NAV2: variants seen among roughly 807,000 people sequenced by gnomAD.
NAV2 encodes neuron navigator 2.
In NAV2, 54 loss-of-function variants were observed where a neutral mutation model predicts 223.2. The observed-to-expected ratio is 0.24, with a 90% CI of 0.19 to 0.30. The LOEUF (loss-of-function observed/expected upper bound fraction) is 0.30. Among genes scored for constraint, NAV2 ranks in the 10% least tolerant of loss-of-function variants. The pLI is 1.00. For synonymous variants in NAV2, 1,279 were observed against 1,239.3 expected (o/e 1.03, Z -0.67); for missense variants, 2,806 against 3,147.5 (o/e 0.89, Z 2.60).
chr11:19,744,138 G>A (rs749740911), intron 1 of NAV2, among the ~76,000 whole-genome samples: 1 of 152,228 alleles, frequency 6.6e-6, no homozygotes, highest in Non-Finnish European at 1.5e-5. Context: ...GCTTACAGAG[G>A]TTCAGTCACT....
At chr11:19,874,210 C>A (rs2585753) in intron 4 of NAV2, among the ~76,000 whole-genome samples, 1 of 152,082 alleles carries the variant, frequency 6.6e-6, no homozygotes, top group East Asian at 1.9e-4. Context: ...AGATTAGGAC[C>A]AGCCAGTGGG....
intron 11 of NAV2, chr11:20,023,163 A>C (rs755718906): frequency 3.2e-6 from 5 of 1,548,698 alleles, no homozygotes; most frequent in Non-Finnish European, 4.4e-6. Flanking sequence ...TTCTGGGGCC[A>C]GGGGGTGGGT....
intron 1 of NAV2, among the ~76,000 whole-genome samples, chr11:19,451,776 C>A (rs528420987): frequency 1.3e-5 from 2 of 152,162 alleles, no homozygotes; most frequent in Admixed American, 6.5e-5. Context: ...GAAGGAACAG[C>A]CTCACAGCTT....
chr11:20,080,895 C>A (rs60668810), intron 25 of NAV2, among the ~76,000 whole-genome samples: 1 of 152,154 alleles, frequency 6.6e-6, no homozygotes, highest in Non-Finnish European at 1.5e-5. Context: ...TTCCACCCCT[C>A]ACTCTCCATC....
At chr11:20,023,702 GTGT>G (rs1564864726) in intron 11 of NAV2, among the ~76,000 whole-genome samples, 13 of 24,852 alleles carry the variant, frequency 5.2e-4, no homozygotes, top group East Asian at 3.5e-3. Flanking sequence ...ATTGCTGGGT[GTGT>G]GTGTGTGTGT....
At chr11:19,919,051 G>A (rs2044046686) in intron 6 of NAV2, among the ~76,000 whole-genome samples, 1 of 152,040 alleles carries the variant, frequency 6.6e-6, no homozygotes, top group Non-Finnish European at 1.5e-5. Context: ...TGGAAGGATG[G>A]GATGAGATAG....
intron 1 of NAV2, among the ~76,000 whole-genome samples, chr11:19,474,592 T>C (rs1031378323): frequency 2.0e-5 from 3 of 151,966 alleles, no homozygotes; most frequent in African/African-American, 7.3e-5. Flanking sequence ...AGCAATGGAG[T>C]GAAGGAGTGG....
intron 1 of NAV2, among the ~76,000 whole-genome samples, chr11:19,516,816 A>G (rs1332155971): frequency 1.3e-5 from 2 of 152,218 alleles, no homozygotes; most frequent in Non-Finnish European, 2.9e-5. Flanking sequence ...CACCATATAC[A>G]ACATACCCAA....
At chr11:19,799,870 A>G (rs2058135091) in intron 1 of NAV2, among the ~76,000 whole-genome samples, 1 of 151,990 alleles carries the variant, frequency 6.6e-6, no homozygotes, top group Non-Finnish European at 1.5e-5. Flanking sequence ...GAGCCCTGAG[A>G]GACTCTACTT....
chr11:19,391,158 C>T (rs1368671908), intron 1 of NAV2, among the ~76,000 whole-genome samples: 1 of 152,182 alleles, frequency 6.6e-6, no homozygotes, highest in African/African-American at 2.4e-5. Context: ...CTGCCCCGGT[C>T]TCTCATTCTG....
intron 1 of NAV2, among the ~76,000 whole-genome samples, chr11:19,456,645 A>C (rs1017681947): frequency 1.3e-5 from 2 of 152,186 alleles, no homozygotes; most frequent in Non-Finnish European, 2.9e-5. Context: ...GTCAACCCCA[A>C]GTCACTGAAG....
intron 10 of NAV2, among the ~76,000 whole-genome samples, chr11:19,982,844 C>A (rs1404793338): frequency 6.6e-6 from 1 of 152,110 alleles, no homozygotes; most frequent in African/African-American, 2.4e-5. Context: ...CTAAAAAGGT[C>A]CCCAGCTACA....
rs144703965 is a variant in NAV2, at chr11:19,441,885, T to C, written c.75+90858T>C. ...CGTATTCAATTTGGTCTGGGAGCTC[T>C]CCTCTGGACACCGAACCTGGTCCTT... On this transcript the variant is annotated intron_variant, in intron 1 of 37. Coordinates refer to the NAV2 transcript ENST00000360655. 2.1e-3 allele frequency among the ~76,000 whole-genome samples: 319 copies of C among 152,340 alleles called. 1 individual carries two copies. Among genetic ancestry groups the C allele is most frequent in the African/African-American group, 7.0e-3 (289 of 41,580 alleles).
chr11:19,641,650 G>A (rs187109670), intron 1 of NAV2, among the ~76,000 whole-genome samples: 41 of 151,752 alleles, frequency 2.7e-4, no homozygotes, highest in African/African-American at 8.0e-4. Context: ...CTCACCTTCC[G>A]GCGTTTGCAC....
intron 1 of NAV2, among the ~76,000 whole-genome samples, chr11:19,568,228 G>T (rs918083106): frequency 6.6e-6 from 1 of 152,226 alleles, no homozygotes; most frequent in Non-Finnish European, 1.5e-5. Flanking sequence ...ACTCTGTGAA[G>T]CTTAGGAGGC....
At chr11:19,675,839 A>G (rs58717307) in intron 1 of NAV2, among the ~76,000 whole-genome samples, 1,734 of 152,320 alleles carry the variant, frequency 0.011, 45 homozygotes, top group East Asian at 0.082. Context: ...AGTTTTCACA[A>G]CAGTATAATT....
chr11:19,522,301 C>T (rs1414010385), intron 1 of NAV2, among the ~76,000 whole-genome samples: 1 of 152,206 alleles, frequency 6.6e-6, no homozygotes, highest in Non-Finnish European at 1.5e-5. Context: ...TCCAAGCCCA[C>T]CACTGGAGGA....
At chr11:19,721,168 G>GA (rs1199768288) in intron 1 of NAV2, among the ~76,000 whole-genome samples, 1 of 152,156 alleles carries the variant, frequency 6.6e-6, no homozygotes, top group East Asian at 1.9e-4. Context: ...AAAAATATCT[G>GA]AAAAAATGCT....
At chr11:19,932,236 C>CT (rs768186838) in intron 6 of NAV2, among the ~76,000 whole-genome samples, 2 of 78,988 alleles carry the variant, frequency 2.5e-5, no homozygotes, top group Non-Finnish European at 4.2e-5. Flanking sequence ...CACTCTTAAG[C>CT]AAAAAAAAAA....
Sources: gnomAD v4.1 joint callset for allele counts (sites outside exome capture counted in the v4.1 genomes callset) on GRCh38, gnomAD v4.1.1 for gene constraint, MANE v1.5 for transcripts, NCBI Gene and HGNC (gene_info 2026-07-23, HGNC 2026-07-21) for gene names.